Variants in KCNQ1 observed in about 807,000 individuals in gnomAD.
The protein encoded by KCNQ1 is potassium voltage-gated channel subfamily Q member 1.
A neutral mutation model predicts 72.4 loss-of-function variants in KCNQ1; 49 were observed. The ratio of observed to expected loss-of-function variants is 0.68; its 90% CI spans 0.54 to 0.86. The LOEUF (loss-of-function observed/expected upper bound fraction) is 0.86. Ranked by LOEUF, KCNQ1 falls within the 40% of genes least tolerant of loss-of-function variation. KCNQ1 has a pLI of 0.00. For missense variants in KCNQ1, 790 were observed against 945.1 expected (o/e 0.84, Z 2.15); for synonymous variants, 450 against 412.6 (o/e 1.09, Z -1.10).
rs1485642263 is a variant in KCNQ1 at position 2,549,306 on chromosome 11, AGGGTGCG to A, written c.477+21298_477+21304del. On this transcript the variant is annotated intron_variant, in intron 2 of 15. Coordinates refer to ENST00000155840, the MANE Select transcript of KCNQ1 (RefSeq NM_000218.3). This position sits in a 1 kb window ranked among gnomAD's most constrained non-coding sequence, Gnocchi z 6.2. ...TATGGGGAAGGAAGACATGTGGGCC[AGGGTGCG>A]GGGTGCGGGACAAACCTGGGTCCAG... is the stretch of plus-strand genomic sequence containing the variant. Among the ~76,000 whole-genome samples the A allele has an allele frequency of 1.3e-5, 2 of 152,140 alleles. No homozygotes were observed. The highest frequency in any genetic ancestry group is 2.4e-5 in the African/African-American group (1 of 41,440).
In KCNQ1 at chr11:2,486,592, G is replaced by T. The variant is rs1204103885; in HGVS notation, c.386+41108G>T. ...TTGCTATAAAGGAATACCTGAGGCT[G>T]GTAATTTATAAAGAAAAGAGGTTTA... On this transcript the variant is annotated intron_variant, in intron 1 of 15. Coordinates refer to ENST00000155840, the MANE Select transcript of KCNQ1 (RefSeq NM_000218.3). This position sits in a 1 kb window ranked among gnomAD's most constrained non-coding sequence, Gnocchi z 5.0. Among the ~76,000 whole-genome samples, 1 of 152,148 alleles carries T rather than the reference G, an allele frequency of 6.6e-6. No homozygotes were observed. The highest frequency in any genetic ancestry group is 2.4e-5 in the African/African-American group (1 of 41,408).
At chr11:2,578,448 G>A (rs1848453035) in intron 6 of KCNQ1, among the ~76,000 whole-genome samples, 1 of 152,372 alleles carries the variant, frequency 6.6e-6, no homozygotes, top group East Asian at 1.9e-4. Flanking sequence ...CACGAGAGGG[G>A]ACACCTGCCT....
rs1846467613 is a variant in KCNQ1 at position 2,471,734 on chromosome 11, ATGTGTGCATG to A, written c.386+26251_386+26260del. On this transcript the variant is annotated intron_variant, in intron 1 of 15. Transcript: ENST00000155840. This position sits in a 1 kb window ranked among gnomAD's most constrained non-coding sequence, Gnocchi z 4.8. ...TGTGTATGTGTGCATGGGCGTGTGTATGTGTGCATGGGCGTGTGTGTACTTGTGTATGGGT... is the reference window on the plus strand; with the variant it reads ...TGTGTATGTGTGCATGGGCGTGTGTAGGCGTGTGTGTACTTGTGTATGGGT... Among the ~76,000 whole-genome samples the A allele has an allele frequency of 7.0e-6, 1 of 143,110 alleles. No individual in the cohort carries two copies. Among genetic ancestry groups the A allele is most frequent in the African/African-American group, 2.8e-5 (1 of 36,052 alleles). 93.9% of individuals were successfully genotyped at this position (143,110 alleles called of 152,430 possible). A position where few individuals can be genotyped will look rare whatever the true frequency, so the allele number is the denominator to read the frequency against.
At chr11:2,802,533 G>T (rs763180046) in intron 15 of KCNQ1, among the ~76,000 whole-genome samples, 9 of 152,310 alleles carry the variant, frequency 5.9e-5, no homozygotes, top group African/African-American at 1.9e-4. Flanking sequence ...ATAAAGTTCT[G>T]CTCTCTGGGG....
intron 10 of KCNQ1, chr11:2,625,076 T>G (rs1312025386): frequency 2.5e-6 from 1 of 398,538 alleles, no homozygotes; most frequent in Non-Finnish European, 4.4e-6. Flanking sequence ...AGACTGCTTT[T>G]AATCCTTCTG....
At chr11:2,684,425 C>T in intron 11 of KCNQ1, 1 of 398,684 alleles carries the variant, frequency 2.5e-6, no homozygotes, top group Non-Finnish European at 4.4e-6. Flanking sequence ...CCAGCACCAC[C>T]TCTTTCATTT....
At chr11:2,751,322 A>G (rs1846221747) in intron 11 of KCNQ1, among the ~76,000 whole-genome samples, 1 of 152,228 alleles carries the variant, frequency 6.6e-6, no homozygotes, top group Non-Finnish European at 1.5e-5. Flanking sequence ...CCACTTGCAG[A>G]GAAAGCCCCA....
At chr11:2,693,433 G>A (rs761179155) in intron 11 of KCNQ1, 8 of 398,558 alleles carry the variant, frequency 2.0e-5, no homozygotes, top group Non-Finnish European at 3.1e-5. Flanking sequence ...TTTGCCAGGC[G>A]CTGGCCCCCC....
intron 1 of KCNQ1, among the ~76,000 whole-genome samples, chr11:2,502,513 A>AGAGG (rs1177663172): frequency 1.6e-4 from 24 of 152,336 alleles, no homozygotes; most frequent in African/African-American, 5.8e-4. Context: ...GAAAATTATA[A>AGAGG]TACACTGATG....
In KCNQ1 at chr11:2,678,778, C is replaced by G. The variant is rs1850337336; in HGVS notation, c.1514+16697C>G. 1 of 398,600 alleles carries G rather than the reference C, an allele frequency of 2.5e-6. No individual in the cohort carries two copies. 24.7% of individuals were successfully genotyped at this position (398,600 alleles called of 1,614,324 possible). ...GTTTGGGACTGAGGCTTCATCGTGG[C>G]AGCTAATAATGTCAGGGAGCATGAG... On this transcript the variant is annotated intron_variant, in intron 11 of 15. Transcript: ENST00000155840. This position sits in a 1 kb window ranked among gnomAD's most constrained non-coding sequence, Gnocchi z 4.9.
Position 2,496,495 on chromosome 11 carries a change from C to CTTTTTTTTTTTTTTT in KCNQ1, c.387-31422_387-31408dup. ...AAAATGGCTAGGATCACAACCCCTG[C>CTTTTTTTTTTTTTTT]TTTTTTTTTTTTTTTTTTTTTTTTT... On this transcript the variant is annotated intron_variant, in intron 1 of 15. Transcript: ENST00000155840. Among the ~76,000 whole-genome samples, 143 of 29,822 alleles carry CTTTTTTTTTTTTTTT rather than the reference C, an allele frequency of 4.8e-3. 27 individuals are homozygous for CTTTTTTTTTTTTTTT. Among genetic ancestry groups the CTTTTTTTTTTTTTTT allele is most frequent in the East Asian group, 8.6e-3 (6 of 698 alleles). The allele number at this position is 29,822 out of a possible 152,430, so 19.6% of individuals were successfully genotyped here.
In KCNQ1 at chr11:2,725,600, C is replaced by T. The variant is rs1393764735; in HGVS notation, c.1515-43244C>T. 2.0e-5 allele frequency among the ~76,000 whole-genome samples: 3 copies of T among 152,192 alleles called. No individual in the cohort carries two copies. The highest frequency in any genetic ancestry group is 6.5e-5 in the Admixed American group (1 of 15,288). On this transcript the variant is annotated intron_variant, in intron 11 of 15. Transcript: ENST00000155840. The surrounding 1 kb of genome is among the most constrained non-coding windows in gnomAD (Gnocchi z 7.2). ...CCCTGGAACCCAAGTCAGACTTGCC[C>T]TCGCCCCCTTCCCGAACGTACCCTT... is the stretch of plus-strand genomic sequence containing the variant.
At chr11:2,583,343 C>A in intron 6 of KCNQ1, 92 bp from the exon 7 acceptor site, 1 of 885,874 alleles carries the variant, frequency 1.1e-6, no homozygotes, top group Non-Finnish European at 1.9e-6. Flanking sequence ...GCCGGCCTCT[C>A]CGCTCATCAG....
chr11:2,675,809 C>G (rs1850283288), intron 11 of KCNQ1: 1 of 398,616 alleles, frequency 2.5e-6, no homozygotes, highest in Admixed American at 4.4e-5. Flanking sequence ...CAGCCACGTG[C>G]ATGCAGGGCT....
Position 2,725,169 on chromosome 11 carries a change from G to C in KCNQ1, c.1515-43675G>C, listed in dbSNP as rs979175472. 9.2e-5 allele frequency among the ~76,000 whole-genome samples: 14 copies of C among 152,228 alleles called. No homozygotes were observed. The highest frequency in any genetic ancestry group is 1.4e-4 in the African/African-American group (6 of 41,464). On this transcript the variant is annotated intron_variant, in intron 11 of 15. Transcript: ENST00000155840. The surrounding 1 kb of genome is among the most constrained non-coding windows in gnomAD (Gnocchi z 7.2). Reference sequence around the variant, plus strand: ...GGTGGGGCAGGCACGGATTCCTGACGTGGAGACAGGAGGAAGCCGACGGCC... The same window carrying C: ...GGTGGGGCAGGCACGGATTCCTGACCTGGAGACAGGAGGAAGCCGACGGCC...
chr11:2,798,332 A>G (rs1228683700), intron 15 of KCNQ1, among the ~76,000 whole-genome samples: 2 of 152,182 alleles, frequency 1.3e-5, no homozygotes, highest in Non-Finnish European at 2.9e-5. Context: ...AGACCTAGCT[A>G]GTTGCCAACC....
At chr11:2,529,601 A>G (rs767738596) in intron 2 of KCNQ1, among the ~76,000 whole-genome samples, 4 of 152,160 alleles carry the variant, frequency 2.6e-5, no homozygotes, top group Non-Finnish European at 5.9e-5. Flanking sequence ...CTAGTCTATC[A>G]TGTTTTCCAG....
chr11:2,580,767 C>T (rs1043236599), intron 6 of KCNQ1, among the ~76,000 whole-genome samples: 1 of 152,262 alleles, frequency 6.6e-6, no homozygotes, highest in Non-Finnish European at 1.5e-5. Flanking sequence ...TGCCACACCC[C>T]ACCACCCCTG....
chr11:2,732,655 C>T (rs1590058235), intron 11 of KCNQ1, among the ~76,000 whole-genome samples: 1 of 152,370 alleles, frequency 6.6e-6, no homozygotes, highest in East Asian at 1.9e-4. Context: ...GCAGCAGTTG[C>T]GTGAGCAGGA....
Sources: gnomAD v4.1 joint callset for allele counts (sites outside exome capture counted in the v4.1 genomes callset) on GRCh38, gnomAD v4.1.1 for gene constraint, Gnocchi (gnomAD v3.1) non-coding constraint, MANE v1.5 for transcripts, NCBI Gene and HGNC (gene_info 2026-07-23, HGNC 2026-07-21) for gene names.